Variants in RGL1 observed in about 807,000 individuals in gnomAD.
The protein encoded by RGL1 is ral guanine nucleotide dissociation stimulator like 1.
Under a neutral mutation model 95.2 loss-of-function variants are expected in RGL1, and 24 were observed. That is an observed-to-expected ratio of 0.25 (90% CI 0.18 to 0.35). RGL1 has a LOEUF of 0.35. RGL1 is among the 10% of genes least tolerant of loss of function. The pLI is 1.00. For missense variants in RGL1, 715 were observed against 936.3 expected (o/e 0.76, Z 3.08); for synonymous variants, 329 against 344.9 (o/e 0.95, Z 0.51).
At chr1:183,856,634 A>T (rs12060489) in intron 3 of RGL1, among the ~76,000 whole-genome samples, 1,552 of 148,140 alleles carry the variant, frequency 0.01, 30 homozygotes, top group African/African-American at 0.036. Flanking sequence ...ATATATATAT[A>T]TTTTTATATA....
At chr1:183,743,994 G>T (rs1285825219) in intron 2 of RGL1, among the ~76,000 whole-genome samples, 1 of 152,128 alleles carries the variant, frequency 6.6e-6, no homozygotes, top group Non-Finnish European at 1.5e-5. Flanking sequence ...GCCAATCCTG[G>T]CACAAATTCT....
At chr1:183,793,669 GA>G (rs199852849) in intron 2 of RGL1, among the ~76,000 whole-genome samples, 41 of 149,534 alleles carry the variant, frequency 2.7e-4, no homozygotes, top group Admixed American at 6.0e-4. Flanking sequence ...ACAGGTATAT[GA>G]AAAAAAAATG....
chr1:183,806,955 G>A (rs963396324), intron 2 of RGL1, among the ~76,000 whole-genome samples: 2 of 152,168 alleles, frequency 1.3e-5, no homozygotes, highest in Admixed American at 6.5e-5. Context: ...TCCTTTGAGG[G>A]GTGGTAGATT....
intron 2 of RGL1, among the ~76,000 whole-genome samples, chr1:183,774,077 A>G (rs1659453303): frequency 6.6e-6 from 1 of 152,214 alleles, no homozygotes; most frequent in African/African-American, 2.4e-5. Flanking sequence ...CACAGAACTT[A>G]CCGGAAGAAG....
chr1:183,760,922 A>G (rs989413805), intron 2 of RGL1, among the ~76,000 whole-genome samples: 1 of 152,190 alleles, frequency 6.6e-6, no homozygotes, highest in Non-Finnish European at 1.5e-5. Context: ...GCTTATCTAT[A>G]AGAAGTCACT....
intron 13 of RGL1, 51 bp downstream of exon 13, chr1:183,905,022 A>AATGCT (rs1456565316): frequency 1.9e-6 from 3 of 1,582,716 alleles, no homozygotes; most frequent in Non-Finnish European, 2.6e-6. Flanking sequence ...TGGCAAGAAA[A>AATGCT]ATGCTGCATT....
At chr1:183,764,718 A>G (rs1658877238) in intron 2 of RGL1, among the ~76,000 whole-genome samples, 1 of 152,124 alleles carries the variant, frequency 6.6e-6, no homozygotes, top group Non-Finnish European at 1.5e-5. Context: ...GCTCCATACC[A>G]TGGGTAACCA....
In RGL1 at chr1:183,880,812, T is replaced by C; in HGVS notation, c.610+12T>C. 1 of 1,611,988 alleles carries C rather than the reference T, an allele frequency of 6.2e-7. No homozygotes were observed. The highest frequency in any genetic ancestry group is 8.5e-7 in the Non-Finnish European group (1 of 1,178,654). ...AGTGGAAACTGACAGTGAGTACTTGTTTGTTCCCAGGGAAAAGGCTAGATT... is the reference window on the plus strand; with the variant it reads ...AGTGGAAACTGACAGTGAGTACTTGCTTGTTCCCAGGGAAAAGGCTAGATT... On this transcript the variant is annotated intron_variant, in intron 5 of 17. Transcript: ENST00000360851.
chr1:183,736,628 C>T (rs929084368), intron 1 of RGL1, among the ~76,000 whole-genome samples: 1 of 152,092 alleles, frequency 6.6e-6, no homozygotes, highest in Non-Finnish European at 1.5e-5. Context: ...CTTATCTGGA[C>T]AGGACCTCAG....
chr1:183,864,927 G>T (rs9425322), intron 3 of RGL1, among the ~76,000 whole-genome samples: 1 of 152,076 alleles, frequency 6.6e-6, no homozygotes. Context: ...GAACCATAAG[G>T]GTACTGGGCC....
chr1:183,890,931 T>C (rs891909789), intron 8 of RGL1, among the ~76,000 whole-genome samples: 2 of 152,152 alleles, frequency 1.3e-5, no homozygotes, highest in African/African-American at 2.4e-5. Context: ...CTAAAAAGCA[T>C]TGGACTGTAT....
chr1:183,765,650 G>C (rs1202122699), intron 2 of RGL1, among the ~76,000 whole-genome samples: 1 of 152,108 alleles, frequency 6.6e-6, no homozygotes, highest in East Asian at 1.9e-4. Flanking sequence ...TTTCTCTCTG[G>C]TCCAATGGCA....
At chr1:183,661,408 C>A (rs890448360) in intron 1 of RGL1, among the ~76,000 whole-genome samples, 1 of 152,122 alleles carries the variant, frequency 6.6e-6, no homozygotes, top group African/African-American at 2.4e-5. Flanking sequence ...TGCAAACTAC[C>A]ATCAGAGAAT....
intron 1 of RGL1, among the ~76,000 whole-genome samples, chr1:183,712,489 G>A (rs1655343375): frequency 6.6e-6 from 1 of 152,230 alleles, no homozygotes; most frequent in South Asian, 2.1e-4. Context: ...GAGTGAGAGA[G>A]AGAGAGAGTG....
Position 183,926,235 on chromosome 1 carries a change from G to A in RGL1, c.2250G>A (p.Leu750=), listed in dbSNP as rs888453139. 1 of 1,613,578 alleles carries A rather than the reference G, an allele frequency of 6.2e-7. No individual in the cohort carries two copies. The highest frequency in any genetic ancestry group is 1.3e-5 in the African/African-American group (1 of 74,918). The change falls in exon 18 of 18, where the codon TTG becomes TTA. Residue 750 remains leucine, a synonymous_variant. Coordinates refer to ENST00000360851, the MANE Select transcript of RGL1 (RefSeq NM_001297671.3). ...TGCGTAGCCGGACCAGCTTGACGTT[G>A]CCCAGGACAGCTAAACGGGGCTGCT... ...VKLRSRTSLT[L]PRTAKRGCWS...
chr1:183,675,157 A>G (rs141348342), intron 1 of RGL1, among the ~76,000 whole-genome samples: 8 of 152,130 alleles, frequency 5.3e-5, no homozygotes, highest in Non-Finnish European at 2.9e-5. Context: ...TTTTACTTAC[A>G]CAGGGCACTC....
intron 2 of RGL1, among the ~76,000 whole-genome samples, chr1:183,794,013 A>C (rs1038294128): frequency 6.6e-5 from 10 of 151,816 alleles, no homozygotes; most frequent in Non-Finnish European, 1.3e-4. Context: ...TATAGAATCA[A>C]CCTAAGTGTA....
intron 2 of RGL1, among the ~76,000 whole-genome samples, chr1:183,776,709 T>C (rs1235058037): frequency 6.6e-6 from 1 of 152,032 alleles, no homozygotes; most frequent in African/African-American, 2.4e-5. Context: ...TAGTTCAATA[T>C]GGATGGAGCA....
At chr1:183,729,517 C>T (rs184708285) in intron 1 of RGL1, among the ~76,000 whole-genome samples, 134 of 152,164 alleles carry the variant, frequency 8.8e-4, no homozygotes, top group African/African-American at 2.8e-3. Flanking sequence ...CTGCATACAC[C>T]GCTTATGGGA....
Sources: allele counts gnomAD v4.1 joint callset (sites outside exome capture counted in the v4.1 genomes callset), GRCh38; gene constraint gnomAD v4.1.1; transcripts MANE v1.5; gene names NCBI Gene and HGNC (gene_info 2026-07-23, HGNC 2026-07-21).